Variants in EYA4 observed in about 807,000 individuals in gnomAD.
EYA4 encodes the protein EYA transcriptional coactivator and phosphatase 4.
In EYA4, 31 loss-of-function variants were observed where a neutral mutation model predicts 87.9. That is an observed-to-expected ratio of 0.35 (90% CI 0.27 to 0.48). The LOEUF is 0.48. EYA4 is among the 20% of genes least tolerant of loss of function. EYA4 has a pLI of 0.99. For synonymous variants in EYA4, 263 were observed against 270.6 expected (o/e 0.97, Z 0.28); for missense variants, 678 against 761.4 (o/e 0.89, Z 1.29).
intron 3 of EYA4, among the ~76,000 whole-genome samples, chr6:133,405,856 G>A (rs1174679003): frequency 6.6e-6 from 1 of 152,120 alleles, no homozygotes; most frequent in Non-Finnish European, 1.5e-5. Context: ...GTCTCACTAA[G>A]GAGGAAATGA....
At chr6:133,527,558 T>TA (rs1218002345) in intron 19 of EYA4, among the ~76,000 whole-genome samples, 2 of 152,328 alleles carry the variant, frequency 1.3e-5, no homozygotes, top group East Asian at 3.9e-4. Context: ...CTAATTAATG[T>TA]AAAAATTATT....
At chr6:133,315,928 CAG>C (rs1329343308) in intron 2 of EYA4, among the ~76,000 whole-genome samples, 1 of 152,148 alleles carries the variant, frequency 6.6e-6, no homozygotes, top group African/African-American at 2.4e-5. Flanking sequence ...TCAACAGGAA[CAG>C]AGTGTTTTTT....
chr6:133,315,331 G>C (rs1010549720), intron 2 of EYA4, among the ~76,000 whole-genome samples: 11 of 152,132 alleles, frequency 7.2e-5, no homozygotes, highest in African/African-American at 2.7e-4. Flanking sequence ...TATTTTCTGG[G>C]AAAGTTGAAG....
chr6:133,350,769 C>T (rs1468605068), intron 2 of EYA4, among the ~76,000 whole-genome samples: 2 of 152,104 alleles, frequency 1.3e-5, no homozygotes, highest in African/African-American at 2.4e-5. Flanking sequence ...TTAATCCAGT[C>T]CAAAGAATTT....
At chr6:133,264,072 T>C (rs1443611319) in intron 1 of EYA4, among the ~76,000 whole-genome samples, 5 of 152,212 alleles carry the variant, frequency 3.3e-5, no homozygotes, top group Admixed American at 2.6e-4. Flanking sequence ...GCCCTGCTTG[T>C]ACCCTCACAG....
intron 17 of EYA4, among the ~76,000 whole-genome samples, chr6:133,516,334 G>A (rs913912537): frequency 1.3e-5 from 2 of 151,852 alleles, no homozygotes; most frequent in Non-Finnish European, 2.9e-5. Flanking sequence ...GCAAAACCCC[G>A]TGACCTATAT....
intron 18 of EYA4, 82 bp from the exon 19 acceptor site, chr6:133,525,069 ATGT>A: frequency 6.2e-7 from 1 of 1,613,632 alleles, no homozygotes; most frequent in Non-Finnish European, 8.5e-7. Flanking sequence ...AACATAACTT[ATGT>A]TGTGATTGGA....
At chr6:133,525,943 G>A in intron 19 of EYA4, 1 of 984,942 alleles carries the variant, frequency 1.0e-6, no homozygotes, top group Non-Finnish European at 1.2e-6. Flanking sequence ...CTGTTTTGGT[G>A]AGCCAGTGGT....
At position 133,272,031 on chromosome 6, in the gene EYA4, C is replaced by A. The variant is rs557327350; in HGVS notation, c.-65-2685C>A. ...TCCAGCCAAAAACCATTGGCTACAGCCCATGAATCAGTATATAATCACACA... is the reference window on the plus strand; with the variant it reads ...TCCAGCCAAAAACCATTGGCTACAGACCATGAATCAGTATATAATCACACA... On this transcript the variant is annotated intron_variant, in intron 1 of 19. Transcript: ENST00000355286. Among the ~76,000 whole-genome samples, 13 of 152,310 alleles carry A rather than the reference C, an allele frequency of 8.5e-5. No homozygotes were observed. In the South Asian group the frequency reaches 2.7e-3, roughly 32 times the overall value.
chr6:133,358,543 C>A (rs543330910), intron 2 of EYA4, among the ~76,000 whole-genome samples: 5 of 152,256 alleles, frequency 3.3e-5, no homozygotes, highest in Non-Finnish European at 4.4e-5. Context: ...ATTTAAAGCA[C>A]CAAACATTTT....
intron 3 of EYA4, among the ~76,000 whole-genome samples, chr6:133,386,031 C>T (rs572272763): frequency 6.6e-6 from 1 of 152,212 alleles, no homozygotes; most frequent in Admixed American, 6.5e-5. Context: ...ATTTGACATT[C>T]CTTAAATGTT....
intron 13 of EYA4, among the ~76,000 whole-genome samples, chr6:133,499,822 A>G (rs1423835735): frequency 6.6e-6 from 1 of 151,910 alleles, no homozygotes; most frequent in East Asian, 1.9e-4. Flanking sequence ...GAGAAATTAT[A>G]CTAAGCCACA....
chr6:133,336,990 T>A (rs1008859258), intron 2 of EYA4, among the ~76,000 whole-genome samples: 1 of 152,220 alleles, frequency 6.6e-6, no homozygotes, highest in South Asian at 2.1e-4. Context: ...TAACTACAGC[T>A]GTTGGGTAAA....
chr6:133,468,780 T>A (rs1391543912), intron 11 of EYA4, 49 bp downstream of exon 11: 2 of 1,586,366 alleles, frequency 1.3e-6, no homozygotes, highest in Non-Finnish European at 1.7e-6. Context: ...TTGCAATATC[T>A]AATAAAACGG....
chr6:133,356,999 C>T (rs930655857), intron 2 of EYA4, among the ~76,000 whole-genome samples: 34 of 151,744 alleles, frequency 2.2e-4, no homozygotes, highest in African/African-American at 8.2e-4. Context: ...AGGCCAGGCG[C>T]GGTGGCTCAC....
At chr6:133,335,271 A>G (rs1782280464) in intron 2 of EYA4, among the ~76,000 whole-genome samples, 1 of 152,246 alleles carries the variant, frequency 6.6e-6, no homozygotes, top group Admixed American at 6.5e-5. Context: ...TTACAGAAGG[A>G]CTCAACAATA....
At chr6:133,446,555 A>G (rs1331767894) in intron 3 of EYA4, 75 bp from the exon 4 acceptor site, 4 of 1,542,538 alleles carry the variant, frequency 2.6e-6, no homozygotes, top group Non-Finnish European at 3.6e-6. Flanking sequence ...CGTGGTCAAT[A>G]GAATAATATT....
intron 3 of EYA4, among the ~76,000 whole-genome samples, chr6:133,446,375 T>C (rs543783975): frequency 2.6e-5 from 4 of 152,226 alleles, no homozygotes; most frequent in African/African-American, 9.6e-5. Context: ...TGTTATAATA[T>C]GTTATAATAA....
At chr6:133,455,002 C>G (rs573321223) in intron 5 of EYA4, among the ~76,000 whole-genome samples, 3 of 152,152 alleles carry the variant, frequency 2.0e-5, no homozygotes, top group Admixed American at 1.3e-4. Context: ...TTTCAGCCCC[C>G]CTGAACTTCA....
Sources: allele counts gnomAD v4.1 joint callset (sites outside exome capture counted in the v4.1 genomes callset), GRCh38; gene constraint gnomAD v4.1.1; transcripts MANE v1.5; gene names NCBI Gene and HGNC (gene_info 2026-07-23, HGNC 2026-07-21).